COL4A1: variants seen among roughly 807,000 people sequenced by gnomAD.
The protein encoded by COL4A1 is collagen alpha-1(IV) chain.
In COL4A1, 40 loss-of-function variants were observed where a neutral mutation model predicts 216.6. The ratio of observed to expected loss-of-function variants is 0.18; its 90% CI spans 0.14 to 0.24. The LOEUF is 0.24. COL4A1 is among the 10% of genes least tolerant of loss of function. The probability of loss-of-function intolerance (pLI) is 1.00; values close to 1 mark genes in which losing one functional copy is unlikely to be tolerated. For missense variants in COL4A1, 1,628 were observed against 2,196.8 expected, an observed-to-expected ratio of 0.74 and a Z score of 5.18; for synonymous variants, 839 against 810.7, an observed-to-expected ratio of 1.03 and a Z score of -0.59.
At chr13:110,290,237 T>G (rs1175798270) in intron 1 of COL4A1, among the ~76,000 whole-genome samples, 1 of 152,190 alleles carries the variant, frequency 6.6e-6, no homozygotes, top group Non-Finnish European at 1.5e-5. Flanking sequence ...CACACTAAGC[T>G]ACACAGACAC....
At chr13:110,298,355 T>A (rs35340437) in intron 1 of COL4A1, among the ~76,000 whole-genome samples, 22,383 of 152,238 alleles carry the variant, frequency 0.15, 1,702 homozygotes, top group South Asian at 0.26. Context: ...ATGAGAAATC[T>A]TTCAAGAAGA....
At chr13:110,186,325 G>C in intron 26 of COL4A1, 60 bp downstream of exon 26, 3 of 1,606,856 alleles carry the variant, frequency 1.9e-6, no homozygotes, top group Non-Finnish European at 2.5e-6. Flanking sequence ...TGCACCCGAG[G>C]TGCCTGCCCT....
intron 18 of COL4A1, 146 bp from the exon 19 acceptor site, chr13:110,201,668 G>A (rs757267250): frequency 2.4e-6 from 2 of 817,372 alleles, no homozygotes; most frequent in Non-Finnish European, 2.1e-6. Flanking sequence ...AGCGGACAAG[G>A]AGGAAGGGGA....
intron 49 of COL4A1, among the ~76,000 whole-genome samples, 174 bp from the exon 50 acceptor site, chr13:110,155,571 G>A (rs769586194): frequency 2.0e-5 from 3 of 152,282 alleles, no homozygotes; most frequent in Middle Eastern, 3.4e-3. Flanking sequence ...GTACCTCCCC[G>A]TTGGTTTTAT....
chr13:110,179,319 G>C lies in COL4A1; in HGVS notation c.2296C>G (p.Pro766Ala). 1.9e-6 allele frequency: 3 copies of C among 1,614,100 alleles called. No homozygotes were observed. The highest frequency in any genetic ancestry group is 2.5e-6 in the Non-Finnish European group (3 of 1,180,020). Residue 766 changes from proline (P) to alanine (A), a missense_variant, in exon 30 of 52, where the codon CCT becomes GCT. Coordinates refer to ENST00000375820, the MANE Select transcript of COL4A1 (RefSeq NM_001845.6). ...GGTCCGATCGCTCCATGTTCTCCAG[G>C]AACGCCTGGTACCCCAATGCTCCCC... Reference protein sequence around the residue: ...EKGSIGVPGVPGEHGAIGPPG... With the variant: ...EKGSIGVPGVAGEHGAIGPPG...
At chr13:110,202,708 C>G (rs1879304807) in intron 18 of COL4A1, among the ~76,000 whole-genome samples, 1 of 152,190 alleles carries the variant, frequency 6.6e-6, no homozygotes, top group Admixed American at 6.5e-5. Context: ...TCTGATAGGA[C>G]ACTGAAAATG....
At chr13:110,152,122 A>G (rs1256509314) in intron 51 of COL4A1, among the ~76,000 whole-genome samples, 1 of 152,106 alleles carries the variant, frequency 6.6e-6, no homozygotes, top group Non-Finnish European at 1.5e-5. Flanking sequence ...TTTTTCTTTC[A>G]TGGTTCTTCG....
intron 42 of COL4A1, among the ~76,000 whole-genome samples, chr13:110,170,022 G>GGGAA (rs1019759827): frequency 7.0e-6 from 1 of 142,790 alleles, no homozygotes; most frequent in South Asian, 2.4e-4. Flanking sequence ...AGGAAGGTCT[G>GGGAA]GGAAGGAAGG....
In COL4A1 at chr13:110,261,036, CAA is replaced by C. The variant is rs575253533; in HGVS notation, c.85-18304_85-18303del. On this transcript the variant is annotated intron_variant, in intron 1 of 51. Coordinates refer to ENST00000375820, the MANE Select transcript of COL4A1 (RefSeq NM_001845.6). ...TGGGTGACAGAGCGAGACTCCGTCT[CAA>C]AAAAAAAAAAAAAAAAGGCCAAAAT... Among the ~76,000 whole-genome samples, 45 of 83,458 alleles carry C rather than the reference CAA, an allele frequency of 5.4e-4. 1 individual carries two copies. The South Asian group carries it at 0.02, about 37-fold the overall frequency. The allele number at this position is 83,458 out of a possible 152,430, so 54.8% of individuals were successfully genotyped here.
chr13:110,235,714 T>A (rs1305937769), intron 2 of COL4A1, among the ~76,000 whole-genome samples: 2 of 151,608 alleles, frequency 1.3e-5, no homozygotes, highest in Non-Finnish European at 2.9e-5. Flanking sequence ...AGGTAATTAT[T>A]ATTCTTTAAT....
chr13:110,153,889 G>A lies in COL4A1; in HGVS notation c.4756-1383C>T, dbSNP rs188889741. Reference sequence around the variant, plus strand: ...AGGAAATGGCAATGGTGGGCGCCTCGCACACAGCACGTCTGGAAGGTGGAA... The same window carrying A: ...AGGAAATGGCAATGGTGGGCGCCTCACACACAGCACGTCTGGAAGGTGGAA... On this transcript the variant is annotated intron_variant, in intron 50 of 51. Transcript: ENST00000375820. Among the ~76,000 whole-genome samples, 13 of 152,212 alleles carry A rather than the reference G, an allele frequency of 8.5e-5. No individual in the cohort carries two copies. The East Asian group carries it at 2.3e-3, about 27-fold the overall frequency.
Position 110,174,024 on chromosome 13 carries a change from A to T in COL4A1, c.3407-26T>A, listed in dbSNP as rs1046144698. On this transcript the variant is annotated intron_variant, in intron 39 of 51. Coordinates refer to ENST00000375820, the MANE Select transcript of COL4A1 (RefSeq NM_001845.6). ...CTCAAAGAGAAAAGTCACATCAGAC[A>T]CCCGCATAACCTCTCACAGCACCCT... 1.1e-5 allele frequency: 18 copies of T among 1,611,640 alleles called. No homozygotes were observed. In the African/African-American group the frequency reaches 1.9e-4, roughly 17 times the overall value.
chr13:110,253,598 CGTAT>C (rs1265122144), intron 1 of COL4A1, among the ~76,000 whole-genome samples: 27 of 119,764 alleles, frequency 2.3e-4, no homozygotes, highest in African/African-American at 7.1e-4. Flanking sequence ...TATAATTATA[CGTAT>C]GTATGTATTA....
At chr13:110,264,735 GTC>G (rs1271024124) in intron 1 of COL4A1, among the ~76,000 whole-genome samples, 2 of 151,874 alleles carry the variant, frequency 1.3e-5, no homozygotes, top group Non-Finnish European at 2.9e-5. Flanking sequence ...CTCCTTCCCC[GTC>G]TCTTTCTTTC....
Position 110,170,740 on chromosome 13 carries a change from A to T in COL4A1, c.3557-8T>A. 1.2e-6 allele frequency: 2 copies of T among 1,614,172 alleles called. No homozygotes were observed. The highest frequency in any genetic ancestry group is 2.7e-5 in the African/African-American group (2 of 75,072). On this transcript the variant is annotated splice_region_variant and splice_polypyrimidine_tract_variant and intron_variant, in intron 41 of 51. Transcript: ENST00000375820. ...CCACCTCACCCTTTGAACCTGAACA[A>T]GAAAAACAGTTTGAGGTGATGGGAA...
chr13:110,289,897 G>A (rs1884016363), intron 1 of COL4A1, among the ~76,000 whole-genome samples: 4 of 152,172 alleles, frequency 2.6e-5, no homozygotes, highest in African/African-American at 4.8e-5. Flanking sequence ...TCCCAGAGAC[G>A]GAATGAGGGT....
chr13:110,262,219 G>T (rs1241804867), intron 1 of COL4A1, among the ~76,000 whole-genome samples: 3 of 152,100 alleles, frequency 2.0e-5, no homozygotes, highest in East Asian at 1.9e-4. Context: ...AGTCCCACAG[G>T]CAAGGACCGC....
intron 1 of COL4A1, among the ~76,000 whole-genome samples, chr13:110,274,295 G>T (rs180737363): frequency 4.6e-5 from 7 of 152,314 alleles, no homozygotes; most frequent in African/African-American, 1.2e-4. Flanking sequence ...ATTCAAGGCA[G>T]GTTGGAAAGC....
chr13:110,286,451 G>A (rs1017425893), intron 1 of COL4A1, among the ~76,000 whole-genome samples: 5 of 152,232 alleles, frequency 3.3e-5, no homozygotes, highest in Non-Finnish European at 5.9e-5. Context: ...AGAGCCTTGT[G>A]TGGCATTCAG....
Sources: allele counts gnomAD v4.1 joint callset (sites outside exome capture counted in the v4.1 genomes callset), GRCh38; gene constraint gnomAD v4.1.1; transcripts MANE v1.5; gene names NCBI Gene and HGNC (gene_info 2026-07-23, HGNC 2026-07-21).